SYNE1: variants seen among roughly 807,000 people sequenced by gnomAD.
SYNE1 encodes spectrin repeat containing nuclear envelope protein 1, also known as nesprin-1.
SYNE1 carries 616 observed loss-of-function variants against 1,111.0 expected under a neutral mutation model. The observed-to-expected ratio is 0.55, with a 90% CI of 0.52 to 0.59. The LOEUF (loss-of-function observed/expected upper bound fraction) is 0.59. Among genes scored for constraint, SYNE1 ranks in the 20% least tolerant of loss-of-function variants. The pLI, the probability that SYNE1 is intolerant of heterozygous loss-of-function variation, is 0.00. For missense variants in SYNE1, 10,006 were observed against 10,417.0 expected, an observed-to-expected ratio of 0.96 and a Z score of 1.72; for synonymous variants, 3,855 against 3,825.8, an observed-to-expected ratio of 1.01 and a Z score of -0.28.
At position 152,189,274 on chromosome 6, in the gene SYNE1, T is replaced by C. The variant is rs752949834; in HGVS notation, c.23279A>G (p.Gln7760Arg). ...TACCTGGTGGCATAGTTCTTCCCAC[T>C]GCCTTTGCAGAAGCTCTACGCGTTC... ...LNERVELLQR[Q>R]WEELCHQLSL... The change falls in exon 128 of 146, where the codon CAG (glutamine) becomes CGG (arginine). Residue 7760 changes from glutamine (Q) to arginine (R), a missense_variant. Around this residue, in one of 7 missense-constraint regions of SYNE1, gnomAD observed 2,182 missense variants for 2,287.8 expected, o/e 0.95. Coordinates refer to ENST00000367255, the MANE Select transcript of SYNE1 (RefSeq NM_182961.4). The C allele has an allele frequency of 1.9e-6, 3 of 1,613,842 alleles. No homozygotes were observed. The African/African-American group carries it at 4.0e-5, about 22-fold the overall frequency.
chr6:152,386,419 A>G (rs2097527551), intron 54 of SYNE1, among the ~76,000 whole-genome samples: 1 of 152,186 alleles, frequency 6.6e-6, no homozygotes, highest in Non-Finnish European at 1.5e-5. Flanking sequence ...AAGATAAACA[A>G]GCACATCTAT....
chr6:152,271,306 C>T (rs566762031), intron 98 of SYNE1, among the ~76,000 whole-genome samples: 3 of 152,226 alleles, frequency 2.0e-5, no homozygotes, highest in Admixed American at 1.3e-4. Context: ...AAGGCGGTGT[C>T]GGTGCTTGAA....
intron 34 of SYNE1, 151 bp downstream of exon 34, chr6:152,433,644 C>A: frequency 1.1e-6 from 1 of 897,396 alleles, no homozygotes; most frequent in South Asian, 1.5e-5. Flanking sequence ...TAATCCAGAC[C>A]TCTTAGCTTG....
intron 108 of SYNE1, among the ~76,000 whole-genome samples, chr6:152,239,259 A>C (rs2084963032): frequency 6.6e-6 from 1 of 152,074 alleles, no homozygotes; most frequent in Non-Finnish European, 1.5e-5. Context: ...TATCAGTCTG[A>C]ATATCAAAAC....
chr6:152,284,118 A>G lies in SYNE1; in HGVS notation c.18067T>C (p.Ser6023Pro), dbSNP rs768810644. The G allele has an allele frequency of 2.5e-6, 4 of 1,614,160 alleles. No homozygotes were observed. The highest frequency in any genetic ancestry group is 2.5e-6 in the Non-Finnish European group (3 of 1,180,020). ...LQDEINELQS[S>P]LAEELVSESC... ...TCGGATACCAGCTCCTCTGCGAGAG[A>G]GGACTGGAGCTCATTGATTTCATCC... The change falls in exon 96 of 146, where the codon TCT becomes CCT. Residue 6023 changes from serine to proline, a missense_variant. By Grantham distance (74) the Ser-to-Pro change is moderately conservative. Around this residue, in one of 7 missense-constraint regions of SYNE1, gnomAD observed 4,955 missense variants for 5,017.2 expected, o/e 0.99. Coordinates refer to ENST00000367255, the MANE Select transcript of SYNE1 (RefSeq NM_182961.4).
intron 40 of SYNE1, among the ~76,000 whole-genome samples, chr6:152,417,331 T>C (rs986113266): frequency 6.6e-6 from 1 of 152,202 alleles, no homozygotes; most frequent in African/African-American, 2.4e-5. Flanking sequence ...ACCCCGTCTC[T>C]ACTAAGAGTA....
intron 15 of SYNE1, 80 bp downstream of exon 15, chr6:152,472,221 T>C: frequency 7.8e-7 from 1 of 1,290,090 alleles, no homozygotes; most frequent in African/African-American, 1.5e-5. Flanking sequence ...AAAAAAATCA[T>C]GAAAAAATAA....
chr6:152,223,613 G>A (rs970914558), intron 117 of SYNE1, among the ~76,000 whole-genome samples: 1 of 150,704 alleles, frequency 6.6e-6, no homozygotes, highest in African/African-American at 2.4e-5. Flanking sequence ...GCGAGACTCT[G>A]TCTCAAAAAG....
At chr6:152,529,955 A>G (rs1396214672) in intron 4 of SYNE1, among the ~76,000 whole-genome samples, 1 of 152,190 alleles carries the variant, frequency 6.6e-6, no homozygotes, top group Non-Finnish European at 1.5e-5. Context: ...TCACATTATT[A>G]GCATAAAAAG....
intron 105 of SYNE1, 119 bp from the exon 106 acceptor site, chr6:152,244,775 CA>C: frequency 7.6e-7 from 1 of 1,309,778 alleles, no homozygotes; most frequent in African/African-American, 1.5e-5. Flanking sequence ...TCAATATATA[CA>C]AAAGGAATCA....
At chr6:152,589,227 T>C (rs2099550334) in intron 3 of SYNE1, among the ~76,000 whole-genome samples, 1 of 152,122 alleles carries the variant, frequency 6.6e-6, no homozygotes, top group South Asian at 2.1e-4. Context: ...TTCTAATCCT[T>C]CCTTTTAGTG....
Position 152,398,610 on chromosome 6 carries a change from C to T in SYNE1, c.7350+9G>A. ...TGGGGAAGAAGGAAAAGGATGTCAG[C>T]TTCTATACCTGAAGATCATGGAGCT... On this transcript the variant is annotated intron_variant, in intron 49 of 145. Coordinates refer to ENST00000367255, the MANE Select transcript of SYNE1 (RefSeq NM_182961.4). 6.2e-7 allele frequency: 1 copy of T among 1,611,088 alleles called. No homozygotes were observed.
intron 58 of SYNE1, among the ~76,000 whole-genome samples, chr6:152,374,526 C>A (rs1021082805): frequency 3.3e-5 from 5 of 152,202 alleles, no homozygotes; most frequent in African/African-American, 4.8e-5. Flanking sequence ...GTAATCCCAG[C>A]ACTTTGAGAG....
chr6:152,511,610 G>T (rs1220869159), intron 6 of SYNE1: 1 of 1,610,596 alleles, frequency 6.2e-7, no homozygotes, highest in African/African-American at 1.3e-5. Flanking sequence ...AAAAACAAAG[G>T]GAGAAGATAA....
intron 35 of SYNE1, 39 bp from the exon 36 acceptor site, chr6:152,430,249 G>T: frequency 6.6e-7 from 1 of 1,505,576 alleles, no homozygotes; most frequent in Non-Finnish European, 9.1e-7. Flanking sequence ...CAGTGGGAAA[G>T]ATACATAGCA....
At chr6:152,475,284 G>A (rs2098828463) in intron 14 of SYNE1, among the ~76,000 whole-genome samples, 1 of 152,178 alleles carries the variant, frequency 6.6e-6, no homozygotes, top group Non-Finnish European at 1.5e-5. Flanking sequence ...AAAACTCATT[G>A]TAAGTTGAAA....
chr6:152,456,109 A>G lies in SYNE1; in HGVS notation c.2569-65T>C. ...GACAGAGTGAGAGAGAAAGAAAGAG[A>G]GTGACCATTACAGATAATAAGAACA... On this transcript the variant is annotated intron_variant, in intron 22 of 145. Coordinates refer to ENST00000367255, the MANE Select transcript of SYNE1 (RefSeq NM_182961.4). The G allele has an allele frequency of 3.2e-6, 5 of 1,550,102 alleles. No homozygotes were observed. In the South Asian group the frequency reaches 3.4e-5, roughly 11 times the overall value.
rs117146349 is a variant in SYNE1 at position 152,470,410 on chromosome 6, T to G, written c.1632+1187A>C. The stretch of plus-strand genomic sequence containing the variant: ...ATACATGCATATTTGTATTTCATAT[T>G]TGAAGAACTAACGTAATTGCTTGAA... On this transcript the variant is annotated intron_variant, in intron 16 of 145. Coordinates refer to ENST00000367255, the MANE Select transcript of SYNE1 (RefSeq NM_182961.4). Among the ~76,000 whole-genome samples, 646 of 152,258 alleles carry G rather than the reference T, an allele frequency of 4.2e-3. 3 individuals carry two copies. Among genetic ancestry groups the G allele is most frequent in the South Asian group, 0.018 (87 of 4,822 alleles).
chr6:152,257,536 A>G (rs2091118480), intron 101 of SYNE1, among the ~76,000 whole-genome samples: 1 of 152,238 alleles, frequency 6.6e-6, no homozygotes, highest in African/African-American at 2.4e-5. Context: ...GTTTCAAAAC[A>G]CACAAAAGAT....
Sources: gnomAD v4.1 joint callset for allele counts (sites outside exome capture counted in the v4.1 genomes callset) on GRCh38, gnomAD v4.1.1 for gene constraint, gnomAD v4.1.1 regional missense constraint, MANE v1.5 for transcripts, NCBI Gene and HGNC (gene_info 2026-07-23, HGNC 2026-07-21) for gene names.